SYNE3: variants seen among roughly 807,000 people sequenced by gnomAD.
SYNE3 encodes nesprin-3.
In SYNE3, 100 loss-of-function variants were observed where a neutral mutation model predicts 111.2. That is an observed-to-expected ratio of 0.90 (90% CI 0.77 to 1.06). The LOEUF is 1.06. SYNE3 is among the 50% of genes least tolerant of loss of function. SYNE3 has a pLI of 0.00. For synonymous variants in SYNE3, 547 were observed against 533.9 expected (o/e 1.02, Z -0.34); for missense variants, 1,160 against 1,240.3 (o/e 0.94, Z 0.97).
chr14:95,494,299 A>T (rs1889985011), intron 1 of SYNE3, among the ~76,000 whole-genome samples: 1 of 152,204 alleles, frequency 6.6e-6, no homozygotes, highest in Non-Finnish European at 1.5e-5. Context: ...TAGAGAAAGG[A>T]GCAATGATTC....
chr14:95,508,575 G>C (rs577721240), intron 1 of SYNE3, among the ~76,000 whole-genome samples: 1 of 152,246 alleles, frequency 6.6e-6, no homozygotes, highest in African/African-American at 2.4e-5. Context: ...TGGGCAGGAG[G>C]GTCCCTCTGA....
rs1888851441 is a variant in SYNE3 at position 95,475,780 on chromosome 14, C to T, written c.42G>A (p.Glu14=). 1 of 1,599,462 alleles carries T rather than the reference C, an allele frequency of 6.3e-7. No homozygotes were observed. Among genetic ancestry groups the T allele is most frequent in the Non-Finnish European group, 8.5e-7 (1 of 1,174,106 alleles). ...CAGCCTTCATCCATGCCTGGGCATC[C>T]TCCACGCTCCTGTCAAAGTCGTCCT... is the stretch of plus-strand genomic sequence containing the variant. The part of the protein sequence containing the change: ...QPQDDFDRSV[E]DAQAWMKAVQ... Residue 14 remains glutamate (E), a synonymous_variant, in exon 2 of 18, where the codon GAG becomes GAA. Transcript: ENST00000682763.
At position 95,408,571 on chromosome 14, in the gene SYNE3, TGA is replaced by T. The variant is rs545159809; in HGVS notation, c.*9253_*9254del. ...AGCCCGATGTGGTCTCCCTGGCTTCTGAGAGACCACAGGCTGGTGTCTGTTGT... is the reference window on the plus strand; with the variant it reads ...AGCCCGATGTGGTCTCCCTGGCTTCTGAGACCACAGGCTGGTGTCTGTTGT... On this transcript the variant is annotated 3_prime_UTR_variant, in exon 18 of 18. Coordinates refer to ENST00000682763, the MANE Select transcript of SYNE3 (RefSeq NM_152592.6). The T allele has an allele frequency of 2.1e-3, 329 of 154,888 alleles. No individual in the cohort carries two copies. Among genetic ancestry groups the T allele is most frequent in the Non-Finnish European group, 2.9e-3 (205 of 69,644 alleles). The allele number at this position is 154,888 out of a possible 1,614,324, so 9.6% of individuals were successfully genotyped here.
intron 1 of SYNE3, among the ~76,000 whole-genome samples, chr14:95,478,681 G>A (rs997077685): frequency 1.3e-5 from 2 of 152,212 alleles, no homozygotes; most frequent in African/African-American, 4.8e-5. Context: ...TTCCTGTAAA[G>A]GGTCAGGTAG....
chr14:95,467,564 C>A (rs939805117), intron 3 of SYNE3, among the ~76,000 whole-genome samples: 3 of 152,220 alleles, frequency 2.0e-5, no homozygotes, highest in African/African-American at 7.2e-5. Flanking sequence ...CACGGTAAGT[C>A]TCTTAGGAAT....
chr14:95,416,200 C>G lies in SYNE3; in HGVS notation c.*1626G>C, dbSNP rs937905075. The G allele has an allele frequency of 4.6e-5, 7 of 152,022 alleles. No homozygotes were observed. Among genetic ancestry groups the G allele is most frequent in the African/African-American group, 1.7e-4 (7 of 41,366 alleles). 9.4% of individuals were successfully genotyped at this position (152,022 alleles called of 1,614,324 possible). ...GGTGAAATGTCCTAGTTGCCTAGGA[C>G]CCGGGTCCCCAAGGGCAGAGCTCAC... On this transcript the variant is annotated 3_prime_UTR_variant, in exon 18 of 18. Coordinates refer to ENST00000682763, the MANE Select transcript of SYNE3 (RefSeq NM_152592.6).
rs563681682 is a variant in SYNE3 at position 95,438,045 on chromosome 14, G to A, written c.2376+988C>T. On this transcript the variant is annotated intron_variant, in intron 14 of 17. Transcript: ENST00000682763. ...GGCCCTAGCCAGATCTACTAACTCA[G>A]AGTCTGCATTTTATCTTATTTCATT... The A allele has an allele frequency of 2.0e-5, 3 of 152,282 alleles. No individual in the cohort carries two copies. The South Asian group carries it at 6.2e-4, about 32-fold the overall frequency. The allele number at this position is 152,282 out of a possible 1,614,324, so 9.4% of individuals were successfully genotyped here. A position where few individuals can be genotyped will look rare whatever the true frequency, so the allele number is the denominator to read the frequency against.
intron 1 of SYNE3, among the ~76,000 whole-genome samples, chr14:95,498,037 A>G (rs2139589785): frequency 6.6e-6 from 1 of 152,126 alleles, no homozygotes; most frequent in African/African-American, 2.4e-5. Flanking sequence ...CTTAAAAAAA[A>G]AAAAAAGGAA....
intron 7 of SYNE3, 37 bp downstream of exon 7, chr14:95,452,210 C>A: frequency 6.6e-7 from 1 of 1,511,480 alleles, no homozygotes. Context: ...GGTTCCAGCA[C>A]ACCCTGAGTC....
chr14:95,425,554 G>A (rs1307949521), intron 17 of SYNE3, among the ~76,000 whole-genome samples: 2 of 152,190 alleles, frequency 1.3e-5, no homozygotes, highest in African/African-American at 2.4e-5. Context: ...CACACCCATA[G>A]GTTGTACAAT....
In SYNE3 at chr14:95,439,689, A is replaced by T. The variant is rs1886298693; in HGVS notation, c.2169T>A (p.Ala723=). ...LVMEKSSPEG[A]AVVQEELREL... is the part of the protein sequence containing the mutation. ...CCCTGAGCTCCTCCTGCACCACGGC[A>T]GCACCCTCCGGAGAAGACTTCTCCA... The change falls in exon 13 of 18, where the codon GCT becomes GCA. Residue 723 remains alanine (A), a synonymous_variant. Coordinates refer to ENST00000682763, the MANE Select transcript of SYNE3 (RefSeq NM_152592.6). The T allele has an allele frequency of 6.2e-7, 1 of 1,614,018 alleles. No individual in the cohort carries two copies. The highest frequency in any genetic ancestry group is 8.5e-7 in the Non-Finnish European group (1 of 1,180,032).
At chr14:95,457,126 C>T in intron 5 of SYNE3, 51 bp downstream of exon 5, 2 of 1,547,744 alleles carry the variant, frequency 1.3e-6, no homozygotes, top group Admixed American at 2.1e-5. Context: ...AGAACCCACC[C>T]TCTGTGACTG....
chr14:95,427,297 A>G (rs1885488812), intron 17 of SYNE3, among the ~76,000 whole-genome samples: 1 of 152,178 alleles, frequency 6.6e-6, no homozygotes, highest in Non-Finnish European at 1.5e-5. Context: ...GCCACTTAGC[A>G]GACTGGGAAA....
Position 95,466,249 on chromosome 14 carries a change from A to T in SYNE3, c.318-9T>A. The T allele has an allele frequency of 6.4e-7, 1 of 1,553,904 alleles. No individual in the cohort carries two copies. Among genetic ancestry groups the T allele is most frequent in the Non-Finnish European group, 8.7e-7 (1 of 1,143,116 alleles). ...ACACCCACTCGATGCGGCTGTGGGC[A>T]CAGAGACCTCAAGGTTGTGAGGGAA... On this transcript the variant is annotated splice_polypyrimidine_tract_variant and intron_variant, in intron 3 of 17. Coordinates refer to ENST00000682763, the MANE Select transcript of SYNE3 (RefSeq NM_152592.6).
Position 95,455,596 on chromosome 14 carries a change from C to T in SYNE3, c.918G>A (p.Arg306=). The T allele has an allele frequency of 6.2e-7, 1 of 1,614,212 alleles. No homozygotes were observed. Among genetic ancestry groups the T allele is most frequent in the East Asian group, 2.2e-5 (1 of 44,888 alleles). ...GGGCGCGCAGCTTCTCCAGAACTTT[C>T]CTCATCTCTTCCAGTTCTCCGGTGA... ...EKITGELEEM[R]KVLEKLRALW... The change falls in exon 6 of 18, where the codon AGG becomes AGA. Residue 306 remains arginine, a synonymous_variant. Coordinates refer to ENST00000682763, the MANE Select transcript of SYNE3 (RefSeq NM_152592.6).
intron 1 of SYNE3, among the ~76,000 whole-genome samples, chr14:95,486,942 C>T (rs2139556771): frequency 6.6e-6 from 1 of 152,320 alleles, no homozygotes; most frequent in East Asian, 1.9e-4. Context: ...CCTGCCAGCC[C>T]TACAGTCCTA....
intron 2 of SYNE3, among the ~76,000 whole-genome samples, chr14:95,474,916 G>A (rs1388324857): frequency 6.6e-6 from 1 of 152,246 alleles, no homozygotes; most frequent in Admixed American, 6.5e-5. Context: ...ATATCTAAAT[G>A]GATGTGACCC....
At chr14:95,448,937 T>C (rs1886881099) in intron 8 of SYNE3, among the ~76,000 whole-genome samples, 1 of 152,214 alleles carries the variant, frequency 6.6e-6, no homozygotes, top group African/African-American at 2.4e-5. Context: ...TGTTTTCTTC[T>C]TCACACACCT....
chr14:95,471,099 G>A (rs1395774454), intron 2 of SYNE3, among the ~76,000 whole-genome samples: 1 of 152,190 alleles, frequency 6.6e-6, no homozygotes, highest in African/African-American at 2.4e-5. Context: ...GGGAGCTGGG[G>A]ACCCACAGAA....
Sources: allele counts gnomAD v4.1 joint callset (sites outside exome capture counted in the v4.1 genomes callset), GRCh38; gene constraint gnomAD v4.1.1; transcripts MANE v1.5; gene names NCBI Gene and HGNC (gene_info 2026-07-23, HGNC 2026-07-21).